The following SYT16 variants were observed in gnomAD, a reference collection of about 807,000 sequenced individuals.
SYT16 encodes synaptotagmin-16.
In SYT16, 42 loss-of-function variants were observed where a neutral mutation model predicts 61.4. The ratio of observed to expected loss-of-function variants is 0.68; its 90% CI spans 0.53 to 0.89. The LOEUF (loss-of-function observed/expected upper bound fraction) is 0.89. Ranked by LOEUF, SYT16 falls within the 40% of genes least tolerant of loss-of-function variation. The probability of loss-of-function intolerance (pLI) is 0.00; values close to 1 mark genes in which losing one functional copy is unlikely to be tolerated. For synonymous variants in SYT16, 314 were observed against 302.3 expected (o/e 1.04, Z -0.40); for missense variants, 804 against 807.3 (o/e 1.00, Z 0.05).
At chr14:61,845,039 CTTTTTT>C (rs35131511) in intron 1 of SYT16, among the ~76,000 whole-genome samples, 11 of 97,612 alleles carry the variant, frequency 1.1e-4, no homozygotes, top group Admixed American at 4.2e-4. Context: ...TACTAGAAGA[CTTTTTT>C]TTTTTTTTTT....
chr14:61,991,330 T>TTTTGTGTG (rs2052541743), intron 2 of SYT16, among the ~76,000 whole-genome samples: 1 of 146,372 alleles, frequency 6.8e-6, no homozygotes, highest in African/African-American at 2.5e-5. Context: ...TGTTTTTCAT[T>TTTTGTGTG]TGTGTGTGTG....
At position 62,105,123 on chromosome 14, in the gene SYT16, G is replaced by A. The variant is rs1044355863; in HGVS notation, c.*4416G>A. On this transcript the variant is annotated 3_prime_UTR_variant, in exon 8 of 8. Transcript: ENST00000683842. ...ATAAGCCTGGTATGTGGAGGAAATT[G>A]AGCCTTAATAGAGTCCAACTGTGGT... 6.6e-6 allele frequency: 1 copy of A among 152,162 alleles called. No homozygotes were observed. Among genetic ancestry groups the A allele is most frequent in the Non-Finnish European group, 1.5e-5 (1 of 68,024 alleles). 9.4% of individuals were successfully genotyped at this position (152,162 alleles called of 1,614,324 possible). A position where few individuals can be genotyped will look rare whatever the true frequency, so the allele number is the denominator to read the frequency against.
intron 3 of SYT16, among the ~76,000 whole-genome samples, chr14:62,003,286 G>T (rs896797000): frequency 3.3e-5 from 5 of 152,090 alleles, no homozygotes; most frequent in East Asian, 1.9e-4. Context: ...CTCTCCACCC[G>T]TCTTTCTTGT....
upstream of SYT16, among the ~76,000 whole-genome samples, chr14:61,812,549 A>G (rs117253470): frequency 0.16 from 23,479 of 149,360 alleles, 2,108 homozygotes; most frequent in African/African-American, 0.24. Context: ...TCCAGCCTCT[A>G]GGCGCCGCAG....
At chr14:61,838,060 A>G (rs950630765) in intron 1 of SYT16, among the ~76,000 whole-genome samples, 20 of 152,244 alleles carry the variant, frequency 1.3e-4, no homozygotes, top group Non-Finnish European at 8.8e-5. Flanking sequence ...GAATAGGTCA[A>G]TGTTATGTCT....
At chr14:61,946,657 A>T (rs1183891787) in intron 1 of SYT16, among the ~76,000 whole-genome samples, 1 of 152,168 alleles carries the variant, frequency 6.6e-6, no homozygotes, top group Non-Finnish European at 1.5e-5. Flanking sequence ...TTTGCATTGG[A>T]AAGTTAGAGA....
At chr14:61,984,833 G>T (rs901173965) in intron 2 of SYT16, among the ~76,000 whole-genome samples, 3 of 152,076 alleles carry the variant, frequency 2.0e-5, no homozygotes, top group African/African-American at 7.2e-5. Flanking sequence ...AGAACATTTG[G>T]CTCCACTATC....
chr14:61,986,162 A>C (rs1380002285), intron 2 of SYT16, among the ~76,000 whole-genome samples: 2 of 152,126 alleles, frequency 1.3e-5, no homozygotes, highest in African/African-American at 4.8e-5. Flanking sequence ...TTAATGAAAA[A>C]AAAATAAAAG....
At chr14:62,035,276 C>T (rs1218316910) in intron 3 of SYT16, among the ~76,000 whole-genome samples, 3 of 152,106 alleles carry the variant, frequency 2.0e-5, no homozygotes, top group South Asian at 2.1e-4. Flanking sequence ...GGCATGTAGC[C>T]CAGTTGTTTA....
At position 62,041,820 on chromosome 14, in the gene SYT16, A is replaced by G. The variant is rs2054742549; in HGVS notation, c.524-27783A>G. Among the ~76,000 whole-genome samples the G allele has an allele frequency of 1.3e-5, 2 of 151,638 alleles. 1 individual carries two copies. The highest frequency in any genetic ancestry group is 2.9e-5 in the Non-Finnish European group (2 of 67,936). ...CCCACAGCTCACTGGTGCTTTCTTC[A>G]TGTTTCTTACGTTGATTATTTTTCT... On this transcript the variant is annotated intron_variant, in intron 3 of 7. Coordinates refer to ENST00000683842, the MANE Select transcript of SYT16 (RefSeq NM_001367656.1).
chr14:61,933,814 A>G (rs769803589), intron 1 of SYT16, among the ~76,000 whole-genome samples: 2 of 152,238 alleles, frequency 1.3e-5, no homozygotes, highest in African/African-American at 2.4e-5. Flanking sequence ...TAAGAAAAAA[A>G]CAGTCTATAC....
At chr14:62,001,670 A>G (rs1240200345) in intron 3 of SYT16, among the ~76,000 whole-genome samples, 1 of 152,010 alleles carries the variant, frequency 6.6e-6, no homozygotes, top group South Asian at 2.1e-4. Context: ...ATGTCTTCAA[A>G]TATTTATTCT....
chr14:61,962,430 A>C (rs1356952993), intron 1 of SYT16, among the ~76,000 whole-genome samples: 2 of 151,778 alleles, frequency 1.3e-5, no homozygotes, highest in African/African-American at 4.8e-5. Flanking sequence ...TTTTCTCTTG[A>C]TTCTTTCAAA....
At chr14:62,052,354 C>G (rs868217513) in intron 3 of SYT16, among the ~76,000 whole-genome samples, 1 of 152,082 alleles carries the variant, frequency 6.6e-6, no homozygotes, top group Non-Finnish European at 1.5e-5. Flanking sequence ...AATGTGGTTT[C>G]TGGTTTCCAA....
chr14:61,970,980 C>A (rs1426027135), intron 2 of SYT16, among the ~76,000 whole-genome samples: 1 of 151,774 alleles, frequency 6.6e-6, no homozygotes, highest in East Asian at 1.9e-4. Context: ...CTTTTCCATA[C>A]CCCACGAGGT....
intron 7 of SYT16, among the ~76,000 whole-genome samples, chr14:62,084,871 G>A (rs1038866833): frequency 6.6e-6 from 1 of 152,138 alleles, no homozygotes; most frequent in African/African-American, 2.4e-5. Context: ...CCTTCCTGAT[G>A]GAGTTGTTTT....
intron 3 of SYT16, among the ~76,000 whole-genome samples, chr14:62,003,801 TA>T (rs943067472): frequency 2.0e-5 from 3 of 152,148 alleles, no homozygotes; most frequent in Admixed American, 6.5e-5. Flanking sequence ...ACCAATCCTA[TA>T]AAAAAAGTTT....
chr14:61,844,374 A>G (rs2046381212), intron 1 of SYT16, among the ~76,000 whole-genome samples: 1 of 152,094 alleles, frequency 6.6e-6, no homozygotes, highest in African/African-American at 2.4e-5. Context: ...GATGCCCTTT[A>G]TTTCTTTCTC....
intron 1 of SYT16, among the ~76,000 whole-genome samples, chr14:61,830,847 C>T (rs571296573): frequency 6.6e-6 from 1 of 152,194 alleles, no homozygotes; most frequent in East Asian, 1.9e-4. Context: ...CAATCCATTC[C>T]AGTGAGGAGG....
Sources: gnomAD v4.1 joint callset for allele counts (sites outside exome capture counted in the v4.1 genomes callset) on GRCh38, gnomAD v4.1.1 for gene constraint, MANE v1.5 for transcripts, NCBI Gene and HGNC (gene_info 2026-07-23, HGNC 2026-07-21) for gene names.